The following PTPA variants were observed in gnomAD, a reference collection of about 807,000 sequenced individuals.
PTPA encodes the protein protein phosphatase 2 phosphatase activator.
PTPA carries 13 observed loss-of-function variants against 43.6 expected under a neutral mutation model. That is an observed-to-expected ratio of 0.30 (90% CI 0.19 to 0.47). The LOEUF is 0.47. PTPA is among the 20% of genes least tolerant of loss of function. The pLI, the probability that PTPA is intolerant of heterozygous loss-of-function variation, is 0.99. For missense variants in PTPA, 329 were observed against 411.9 expected, an observed-to-expected ratio of 0.80 and a Z score of 1.74; for synonymous variants, 172 against 158.2, an observed-to-expected ratio of 1.09 and a Z score of -0.66.
intron 8 of PTPA, chr9:129,139,381 AGAAG>A (rs1850603195): frequency 6.6e-6 from 1 of 152,312 alleles, no homozygotes; most frequent in South Asian, 2.1e-4. Context: ...TTGAGGCAGC[AGAAG>A]GAACAGGGAG....
chr9:129,114,761 T>C (rs1039380308), intron 1 of PTPA, among the ~76,000 whole-genome samples: 2 of 152,230 alleles, frequency 1.3e-5, no homozygotes, highest in African/African-American at 2.4e-5. Context: ...CCTTGGAACC[T>C]ATGTCTCTAT....
Position 129,111,428 on chromosome 9 carries a change from C to T in PTPA, c.-173C>T. 3.2e-6 allele frequency: 4 copies of T among 1,250,172 alleles called. No homozygotes were observed. Among genetic ancestry groups the T allele is most frequent in the Non-Finnish European group, 4.0e-6 (4 of 990,192 alleles). 77.4% of individuals were successfully genotyped at this position (1,250,172 alleles called of 1,614,324 possible). A position where few individuals can be genotyped will look rare whatever the true frequency, so the allele number is the denominator to read the frequency against. ...TGAGCGCCCCGCACCGACATGGCGG[C>T]CGTCTTCGCTGTGGTGACTTTAACT... On this transcript the variant is annotated 5_prime_UTR_variant, in exon 1 of 10. Coordinates refer to ENST00000393370, the MANE Select transcript of PTPA (RefSeq NM_178000.3).
chr9:129,111,350 G>A, upstream of PTPA: 1 of 1,175,178 alleles, frequency 8.5e-7, no homozygotes, highest in Non-Finnish European at 1.1e-6. Flanking sequence ...TGACATGGCC[G>A]TCGCCCGGTT....
At chr9:129,128,369 C>G (rs990795348) in intron 3 of PTPA, among the ~76,000 whole-genome samples, 7 of 152,184 alleles carry the variant, frequency 4.6e-5, no homozygotes, top group Non-Finnish European at 5.9e-5. Context: ...AACCCCATCT[C>G]TACTAGAAGT....
At chr9:129,137,919 A>T in intron 8 of PTPA, 1 of 539,202 alleles carries the variant, frequency 1.9e-6, no homozygotes, top group Non-Finnish European at 3.5e-6. Flanking sequence ...TGAACACCAC[A>T]GGAGTCTTGA....
chr9:129,135,010 C>T, intron 6 of PTPA, 116 bp downstream of exon 6: 3 of 817,364 alleles, frequency 3.7e-6, no homozygotes, highest in Non-Finnish European at 5.8e-6. Flanking sequence ...GTTCTCTTGT[C>T]CTGTCCTAAT....
chr9:129,111,298 C>G, upstream of PTPA: 1 of 1,137,560 alleles, frequency 8.8e-7, no homozygotes, highest in Non-Finnish European at 1.1e-6. Context: ...GGTCCTAGCG[C>G]TTGGCGGCCG....
At chr9:129,143,594 C>G in intron 9 of PTPA, 1 of 626,928 alleles carries the variant, frequency 1.6e-6, no homozygotes, top group Non-Finnish European at 2.9e-6. Context: ...GCTCCCTGCA[C>G]TTGGTCCTGA....
In PTPA at chr9:129,111,522, G is replaced by T; in HGVS notation, c.-79G>T. ...GAAGCTCGGAGCCTTTGGTGGAGCC[G>T]GGGAGAGGAAGGGTGGGTGCAAGAG... On this transcript the variant is annotated 5_prime_UTR_variant, in exon 1 of 10. Coordinates refer to ENST00000393370, the MANE Select transcript of PTPA (RefSeq NM_178000.3). 7.8e-7 allele frequency: 1 copy of T among 1,276,220 alleles called. No individual in the cohort carries two copies. The highest frequency in any genetic ancestry group is 4.2e-5 in the Admixed American group (1 of 23,804). The allele number at this position is 1,276,220 out of a possible 1,614,324, so 79.1% of individuals were successfully genotyped here. A position where few individuals can be genotyped will look rare whatever the true frequency, so the allele number is the denominator to read the frequency against.
At chr9:129,123,706 G>T (rs1045992179) in intron 3 of PTPA, among the ~76,000 whole-genome samples, 1 of 150,810 alleles carries the variant, frequency 6.6e-6, no homozygotes, top group Non-Finnish European at 1.5e-5. Flanking sequence ...ATTTTGAGAC[G>T]TAGTTTTGCT....
At chr9:129,120,783 G>A (rs1329885041) in intron 2 of PTPA, among the ~76,000 whole-genome samples, 173 bp downstream of exon 2, 4 of 152,236 alleles carry the variant, frequency 2.6e-5, no homozygotes, top group African/African-American at 9.6e-5. Flanking sequence ...GCAGTACTCA[G>A]AGATGCTTTA....
At chr9:129,111,653 C>T (rs1188924603) in intron 1 of PTPA, 22 bp downstream of exon 1, 92 of 1,050,408 alleles carry the variant, frequency 8.8e-5, no homozygotes, top group Non-Finnish European at 9.9e-5. Context: ...GGGGCCAGGC[C>T]GGGCCGGGGT....
chr9:129,129,683 A>T (rs1486121094), intron 4 of PTPA, among the ~76,000 whole-genome samples: 1 of 151,994 alleles, frequency 6.6e-6, no homozygotes, highest in Non-Finnish European at 1.5e-5. Flanking sequence ...GTTAGCCAGG[A>T]TGGTCTTGAT....
chr9:129,114,831 G>T lies in PTPA; in HGVS notation c.31+3200G>T, dbSNP rs184321151. Among the ~76,000 whole-genome samples, 21 of 152,234 alleles carry T rather than the reference G, an allele frequency of 1.4e-4. No individual in the cohort carries two copies. In the East Asian group the frequency reaches 3.9e-3, roughly 28 times the overall value. ...ATTTATCACCATCCTGCCTTTGAAG[G>T]CTTGTTTCTTTGATTTGGGATTGTG... On this transcript the variant is annotated intron_variant, in intron 1 of 9. Coordinates refer to ENST00000393370, the MANE Select transcript of PTPA (RefSeq NM_178000.3).
chr9:129,134,046 T>G (rs10819471), intron 5 of PTPA, among the ~76,000 whole-genome samples: 88,168 of 152,056 alleles, frequency 0.58, 28,062 homozygotes, highest in Non-Finnish European at 0.7. Context: ...TACCCTGTCT[T>G]TCTCCTTCAG....
chr9:129,136,615 C>G lies in PTPA; in HGVS notation c.685+20C>G. Reference sequence around the variant, plus strand: ...TGATAGGTACTAGAGCGGGAGGTGCCTATCCCTCCACCCCCAACCAAGGCT... The same window carrying G: ...TGATAGGTACTAGAGCGGGAGGTGCGTATCCCTCCACCCCCAACCAAGGCT... On this transcript the variant is annotated intron_variant, in intron 7 of 9. Coordinates refer to ENST00000393370, the MANE Select transcript of PTPA (RefSeq NM_178000.3). 1 of 1,596,728 alleles carries G rather than the reference C, an allele frequency of 6.3e-7. No individual in the cohort carries two copies. The highest frequency in any genetic ancestry group is 1.1e-5 in the South Asian group (1 of 88,856).
At chr9:129,123,752 T>C (rs10988215) in intron 3 of PTPA, among the ~76,000 whole-genome samples, 90,046 of 151,608 alleles carry the variant, frequency 0.59, 28,681 homozygotes, top group Non-Finnish European at 0.7. Flanking sequence ...GGCGCGATCT[T>C]GGCTCACCAA....
intron 9 of PTPA, chr9:129,143,786 T>TAC: frequency 1.8e-5 from 4 of 217,074 alleles, no homozygotes; most frequent in Non-Finnish European, 2.9e-5. Context: ...CGGCTGCAGC[T>TAC]GGCCACCCCC....
chr9:129,132,393 G>C (rs1475903448), intron 5 of PTPA, among the ~76,000 whole-genome samples: 1 of 152,120 alleles, frequency 6.6e-6, no homozygotes, highest in Non-Finnish European at 1.5e-5. Context: ...GCAGTGATGT[G>C]ATCTTGGCCC....
Sources: gnomAD v4.1 joint callset for allele counts (sites outside exome capture counted in the v4.1 genomes callset) on GRCh38, gnomAD v4.1.1 for gene constraint, MANE v1.5 for transcripts, NCBI Gene and HGNC (gene_info 2026-07-23, HGNC 2026-07-21) for gene names.